Variants in NRXN3 observed in about 807,000 individuals in gnomAD.
The protein encoded by NRXN3 is neurexin 3, also known as neurexin III.
Under a neutral mutation model 137.6 loss-of-function variants are expected in NRXN3, and 32 were observed. That is an observed-to-expected ratio of 0.23 (90% CI 0.18 to 0.31). The LOEUF (loss-of-function observed/expected upper bound fraction) is 0.31, where lower values mean the gene tolerates loss of function less well. Among genes scored for constraint, NRXN3 ranks in the 10% least tolerant of loss-of-function variants. The probability of loss-of-function intolerance (pLI) is 1.00; values close to 1 mark genes in which losing one functional copy is unlikely to be tolerated. For missense variants in NRXN3, 1,574 were observed against 2,062.5 expected (o/e 0.76, Z 4.59); for synonymous variants, 798 against 784.5 (o/e 1.02, Z -0.29).
chr14:78,377,440 C>T (rs377542586), intron 4 of NRXN3, among the ~76,000 whole-genome samples: 15 of 152,212 alleles, frequency 9.9e-5, no homozygotes, highest in Admixed American at 2.0e-4. Context: ...TAGACAAATT[C>T]GCAGTTATGG....
chr14:78,542,346 A>G (rs1207443703), intron 4 of NRXN3, among the ~76,000 whole-genome samples: 1 of 152,222 alleles, frequency 6.6e-6, no homozygotes, highest in Non-Finnish European at 1.5e-5. Flanking sequence ...GGCTCTGCCC[A>G]GTTTGAGCTT....
intron 1 of NRXN3, among the ~76,000 whole-genome samples, chr14:78,174,442 A>G (rs1376060180): frequency 1.3e-5 from 2 of 152,064 alleles, no homozygotes; most frequent in Non-Finnish European, 2.9e-5. Context: ...TGTCCGACCC[A>G]GTTCTCCTCT....
chr14:78,579,923 C>T (rs2096976246), intron 4 of NRXN3, among the ~76,000 whole-genome samples: 1 of 152,126 alleles, frequency 6.6e-6, no homozygotes, highest in South Asian at 2.1e-4. Flanking sequence ...TGCCTGTTTC[C>T]TCTTCTCGAA....
At chr14:79,297,771 G>C (rs919718955) in intron 15 of NRXN3, among the ~76,000 whole-genome samples, 10 of 151,994 alleles carry the variant, frequency 6.6e-5, no homozygotes, top group South Asian at 6.2e-4. Flanking sequence ...GGTGTTATTG[G>C]GTAGCAACCC....
At chr14:78,963,955 G>C (rs1032362509) in intron 11 of NRXN3, among the ~76,000 whole-genome samples, 5 of 151,766 alleles carry the variant, frequency 3.3e-5, no homozygotes, top group African/African-American at 9.7e-5. Flanking sequence ...AATTTGTAGA[G>C]ACTGGGTCTT....
At chr14:78,586,070 C>T (rs2097059283) in intron 4 of NRXN3, among the ~76,000 whole-genome samples, 1 of 152,156 alleles carries the variant, frequency 6.6e-6, no homozygotes, top group African/African-American at 2.4e-5. Context: ...ACCAGATTTT[C>T]ATGTCTTTTT....
At chr14:78,194,943 T>C (rs1172740142) in intron 1 of NRXN3, among the ~76,000 whole-genome samples, 1 of 152,196 alleles carries the variant, frequency 6.6e-6, no homozygotes. Context: ...GCTCAATTGA[T>C]GACCTGTCTT....
In NRXN3 at chr14:78,709,287, A is replaced by G; in HGVS notation, c.1292A>G (p.Lys431Arg). The G allele has an allele frequency of 6.2e-7, 1 of 1,614,122 alleles. No individual in the cohort carries two copies. The highest frequency in any genetic ancestry group is 8.5e-7 in the Non-Finnish European group (1 of 1,180,018). The change falls in exon 7 of 21, where the codon AAA becomes AGA. Residue 431 changes from lysine to arginine, a missense_variant. Coordinates refer to ENST00000335750, the MANE Select transcript of NRXN3 (RefSeq NM_001330195.2). Reference protein sequence around the residue: ...RLARIADTKMKIYGEVVFKCE... With the variant: ...RLARIADTKMRIYGEVVFKCE... ...GCCCGGATTGCGGACACCAAGATGA[A>G]AATCTATGGCGAAGTTGTGTTTAAG...
chr14:78,869,291 C>G (rs2099095532), intron 10 of NRXN3, among the ~76,000 whole-genome samples: 1 of 152,168 alleles, frequency 6.6e-6, no homozygotes, highest in Non-Finnish European at 1.5e-5. Context: ...GATCACTGAT[C>G]TAGGGTGAGC....
rs1173624987 is a variant in NRXN3 at position 78,798,136 on chromosome 14, A to G, written c.2045-5484A>G. On this transcript the variant is annotated intron_variant, in intron 8 of 20. Coordinates refer to ENST00000335750, the MANE Select transcript of NRXN3 (RefSeq NM_001330195.2). ...TCTTAACTCATTTCAGCATTAACTC[A>G]AAAGTCCACAGTCCAAAGTCTCATC... Among the ~76,000 whole-genome samples the G allele has an allele frequency of 2.0e-5, 3 of 152,294 alleles. No homozygotes were observed. The East Asian group carries it at 5.8e-4, about 29-fold the overall frequency.
chr14:78,530,260 C>T (rs185968739), intron 4 of NRXN3, among the ~76,000 whole-genome samples: 1 of 152,282 alleles, frequency 6.6e-6, no homozygotes, highest in Admixed American at 6.5e-5. Context: ...GCACCGTGGA[C>T]AGAGGCACCA....
At chr14:78,482,862 G>A (rs1305532982) in intron 4 of NRXN3, among the ~76,000 whole-genome samples, 2 of 152,040 alleles carry the variant, frequency 1.3e-5, no homozygotes, top group Non-Finnish European at 2.9e-5. Context: ...TGTTTCTCAC[G>A]CTTTGCATTG....
chr14:79,669,903 T>A (rs1249212209), intron 17 of NRXN3, among the ~76,000 whole-genome samples: 1 of 152,052 alleles, frequency 6.6e-6, no homozygotes, highest in Non-Finnish European at 1.5e-5. Flanking sequence ...CCTAAGGTGA[T>A]TCTCTGTGTA....
At chr14:78,967,632 C>A (rs1272331481) in intron 13 of NRXN3, among the ~76,000 whole-genome samples, 1 of 152,012 alleles carries the variant, frequency 6.6e-6, no homozygotes, top group African/African-American at 2.4e-5. Flanking sequence ...GCTGTGGGGG[C>A]TGAGAGATGA....
At chr14:79,292,191 A>G (rs1598370553) in intron 15 of NRXN3, among the ~76,000 whole-genome samples, 2 of 152,318 alleles carry the variant, frequency 1.3e-5, no homozygotes, top group South Asian at 4.1e-4. Flanking sequence ...CACAAATTCT[A>G]TTACATTATA....
At chr14:79,237,117 A>G (rs1260636189) in intron 15 of NRXN3, among the ~76,000 whole-genome samples, 2 of 151,532 alleles carry the variant, frequency 1.3e-5, no homozygotes, top group Non-Finnish European at 2.9e-5. Context: ...GCCTAACTTT[A>G]GAGAAAGCTT....
At chr14:78,632,090 G>A (rs1409004134) in intron 4 of NRXN3, among the ~76,000 whole-genome samples, 1 of 150,492 alleles carries the variant, frequency 6.6e-6, no homozygotes, top group Admixed American at 6.6e-5. Flanking sequence ...CTCCAGCCTG[G>A]GCGACAGAGC....
chr14:79,866,293 A>G lies in NRXN3; in HGVS notation c.*4329A>G, dbSNP rs1220824457. 2 of 152,192 alleles carry G rather than the reference A, an allele frequency of 1.3e-5. No homozygotes were observed. The highest frequency in any genetic ancestry group is 2.9e-5 in the Non-Finnish European group (2 of 68,040). The allele number at this position is 152,192 out of a possible 1,614,324, so 9.4% of individuals were successfully genotyped here. A position where few individuals can be genotyped will look rare whatever the true frequency, so the allele number is the denominator to read the frequency against. On this transcript the variant is annotated 3_prime_UTR_variant, in exon 21 of 21. Transcript: ENST00000335750. ...TTACTAAATGATTATGGGATATTAA[A>G]TTGAGAGCCTTGGGAGCTTATCATC...
chr14:79,495,629 ACAACAACCCT>A (rs2096758905), intron 16 of NRXN3, among the ~76,000 whole-genome samples: 1 of 152,202 alleles, frequency 6.6e-6, no homozygotes, highest in African/African-American at 2.4e-5. Context: ...TTTAATCCTT[ACAACAACCCT>A]GTGATGTAGG....
Sources: gnomAD v4.1 joint callset for allele counts (sites outside exome capture counted in the v4.1 genomes callset) on GRCh38, gnomAD v4.1.1 for gene constraint, MANE v1.5 for transcripts, NCBI Gene and HGNC (gene_info 2026-07-23, HGNC 2026-07-21) for gene names.